The following CACNA1E variants were observed in gnomAD, a reference collection of about 807,000 sequenced individuals.
The protein encoded by CACNA1E is voltage-dependent R-type calcium channel subunit alpha-1E.
A neutral mutation model predicts 259.2 loss-of-function variants in CACNA1E; 40 were observed. The observed-to-expected ratio is 0.15, with a 90% confidence interval of 0.12 to 0.20. CACNA1E has a LOEUF of 0.20. Ranked by LOEUF, CACNA1E falls within the 10% of genes least tolerant of loss-of-function variation. The pLI is 1.00. For synonymous variants in CACNA1E, 1,104 were observed against 1,138.5 expected (o/e 0.97, Z 0.61); for missense variants, 1,874 against 3,040.1 (o/e 0.62, Z 9.02).
At chr1:181,739,087 T>C in intron 24 of CACNA1E, 60 bp from the exon 25 acceptor site, 2 of 976,624 alleles carry the variant, frequency 2.0e-6, no homozygotes, top group Non-Finnish European at 1.7e-6. Flanking sequence ...TGAACAGAGC[T>C]CAGGTCAAGT....
At chr1:181,403,945 T>G (rs977894619) in intron 1 of CACNA1E, among the ~76,000 whole-genome samples, 1 of 152,200 alleles carries the variant, frequency 6.6e-6, no homozygotes, top group Non-Finnish European at 1.5e-5. Context: ...TTTGCATCTG[T>G]GCAGCACACT....
chr1:181,795,102 C>T, intron 46 of CACNA1E, 58 bp downstream of exon 46: 1 of 1,393,226 alleles, frequency 7.2e-7, no homozygotes, highest in Non-Finnish European at 1.0e-6. Context: ...TGCCCTGATG[C>T]ACTTACTCTC....
chr1:181,337,107 CT>C (rs1257186128), intron 1 of CACNA1E, among the ~76,000 whole-genome samples: 1 of 151,090 alleles, frequency 6.6e-6, no homozygotes, highest in Non-Finnish European at 1.5e-5. Context: ...TTAACATATT[CT>C]TCACCATACA....
intron 6 of CACNA1E, among the ~76,000 whole-genome samples, chr1:181,592,013 A>G (rs540633670): frequency 2.0e-5 from 3 of 152,166 alleles, no homozygotes; most frequent in South Asian, 2.1e-4. Context: ...TACACTTTCC[A>G]TTTGCATCAT....
At chr1:181,679,364 T>C (rs1649697479) in intron 7 of CACNA1E, among the ~76,000 whole-genome samples, 1 of 152,138 alleles carries the variant, frequency 6.6e-6, no homozygotes, top group Middle Eastern at 3.2e-3. Flanking sequence ...GATTTTTCAC[T>C]TGGGTCTCTC....
At chr1:181,359,956 A>C (rs1292760069) in intron 1 of CACNA1E, among the ~76,000 whole-genome samples, 2 of 152,072 alleles carry the variant, frequency 1.3e-5, no homozygotes, top group Non-Finnish European at 2.9e-5. Context: ...AAATGTCTAC[A>C]TTGCTGCCCA....
chr1:181,386,802 G>A (rs967048092), intron 1 of CACNA1E, among the ~76,000 whole-genome samples: 7 of 152,112 alleles, frequency 4.6e-5, no homozygotes, highest in East Asian at 1.9e-4. Flanking sequence ...CAACTCTTAA[G>A]CCTTCCCCAA....
chr1:181,434,142 A>G (rs1159297391), intron 2 of CACNA1E, among the ~76,000 whole-genome samples: 1 of 152,200 alleles, frequency 6.6e-6, no homozygotes, highest in South Asian at 2.1e-4. Context: ...AAATTGCTTA[A>G]CCGCTCTGGG....
intron 32 of CACNA1E, among the ~76,000 whole-genome samples, chr1:181,759,922 G>A (rs150584948): frequency 2.0e-5 from 3 of 152,276 alleles, no homozygotes; most frequent in African/African-American, 4.8e-5. Context: ...ATCATTTTGG[G>A]TGGAGAGTTT....
intron 44 of CACNA1E, among the ~76,000 whole-genome samples, chr1:181,792,743 A>G (rs977551819): frequency 6.6e-6 from 1 of 152,192 alleles, no homozygotes; most frequent in Admixed American, 6.5e-5. Flanking sequence ...CATCTGCCCA[A>G]GATGTTCTTA....
At chr1:181,720,757 T>C (rs898386265) in intron 14 of CACNA1E, 26 bp from the exon 15 acceptor site, 1 of 1,379,386 alleles carries the variant, frequency 7.2e-7, no homozygotes, top group Non-Finnish European at 1.0e-6. Context: ...TTTCATTTCA[T>C]TATTTTCTCT....
At chr1:181,592,113 T>A (rs1293218693) in intron 6 of CACNA1E, among the ~76,000 whole-genome samples, 23 of 152,264 alleles carry the variant, frequency 1.5e-4, no homozygotes, top group African/African-American at 5.5e-4. Flanking sequence ...CCCTGAGAAA[T>A]TCAAAAGAGA....
intron 2 of CACNA1E, among the ~76,000 whole-genome samples, chr1:181,444,283 C>T (rs1660671682): frequency 6.6e-6 from 1 of 151,496 alleles, no homozygotes; most frequent in South Asian, 2.1e-4. Flanking sequence ...AAAGCATTCA[C>T]TCAACAGAGT....
chr1:181,576,089 G>A (rs992075072), intron 3 of CACNA1E, among the ~76,000 whole-genome samples: 1 of 152,176 alleles, frequency 6.6e-6, no homozygotes, highest in East Asian at 1.9e-4. Context: ...AAGTCCCCCC[G>A]TTTCTGACGA....
intron 25 of CACNA1E, among the ~76,000 whole-genome samples, chr1:181,745,832 A>C (rs1657026968): frequency 6.6e-6 from 1 of 152,238 alleles, no homozygotes; most frequent in Non-Finnish European, 1.5e-5. Flanking sequence ...ACTGTTCACC[A>C]GATTGAATAA....
chr1:181,664,262 G>A (rs1647978447), intron 7 of CACNA1E, among the ~76,000 whole-genome samples: 1 of 152,172 alleles, frequency 6.6e-6, no homozygotes, highest in African/African-American at 2.4e-5. Flanking sequence ...GACCTTTGCT[G>A]CTCAGCTTCT....
chr1:181,750,684 G>A (rs1217242042), intron 26 of CACNA1E, among the ~76,000 whole-genome samples, 197 bp downstream of exon 26: 7 of 152,098 alleles, frequency 4.6e-5, no homozygotes, highest in Admixed American at 3.9e-4. Context: ...ATATGTATTC[G>A]GCTCATATGT....
At chr1:181,539,288 G>C (rs1016176380) in intron 3 of CACNA1E, among the ~76,000 whole-genome samples, 2 of 152,156 alleles carry the variant, frequency 1.3e-5, no homozygotes, top group Non-Finnish European at 2.9e-5. Flanking sequence ...TGAAGGCAGG[G>C]GTTGTATTGT....
At chr1:181,324,637 G>T (rs1294808869) in intron 1 of CACNA1E, among the ~76,000 whole-genome samples, 1 of 152,162 alleles carries the variant, frequency 6.6e-6, no homozygotes, top group Non-Finnish European at 1.5e-5. Context: ...AAATGTTTAA[G>T]AAATAAATTA....
Sources: gnomAD v4.1 joint callset for allele counts (sites outside exome capture counted in the v4.1 genomes callset) on GRCh38, gnomAD v4.1.1 for gene constraint, MANE v1.5 for transcripts, NCBI Gene and HGNC (gene_info 2026-07-23, HGNC 2026-07-21) for gene names.